The following NWD1 variants were observed in gnomAD, a reference collection of about 807,000 sequenced individuals.
NWD1 encodes the protein NACHT domain- and WD repeat-containing protein 1.
NWD1 carries 129 observed loss-of-function variants against 135.1 expected under a neutral mutation model. That is an observed-to-expected ratio of 0.96 (90% CI 0.83 to 1.11). NWD1 has a LOEUF of 1.11. Among genes scored for constraint, NWD1 ranks in the 50% least tolerant of loss-of-function variants. The probability of loss-of-function intolerance (pLI) is 0.00; values close to 1 mark genes in which losing one functional copy is unlikely to be tolerated. For missense variants in NWD1, 1,740 were observed against 1,851.3 expected (o/e 0.94, Z 1.10); for synonymous variants, 773 against 786.0 (o/e 0.98, Z 0.28).
chr19:16,800,070 C>G lies in NWD1; in HGVS notation c.3644C>G (p.Thr1215Ser). 6.2e-7 allele frequency: 1 copy of G among 1,614,160 alleles called. No homozygotes were observed. Among genetic ancestry groups the G allele is most frequent in the Non-Finnish European group, 8.5e-7 (1 of 1,179,978 alleles). ...GTGCCTGCACCATTTCTGGACCGCA[C>G]CGGCCTCACCGCAGTGTCCCACAAT... ...SRVPAPFLDR[T>S]GLTAVSHNGS... Residue 1215 changes from threonine (T) to serine (S), a missense_variant, in exon 17 of 19, where the codon ACC becomes AGC. Physicochemically the swap from Thr to Ser is moderately conservative, Grantham distance 58 (BLOSUM62 1). Coordinates refer to ENST00000524140, the MANE Select transcript of NWD1 (RefSeq NM_001007525.5).
chr19:16,750,526 C>A, intron 6 of NWD1, 115 bp downstream of exon 6: 1 of 767,420 alleles, frequency 1.3e-6, no homozygotes, highest in Non-Finnish European at 2.0e-6. Flanking sequence ...GTGATCATAG[C>A]TCACTGCAGT....
intron 12 of NWD1, among the ~76,000 whole-genome samples, chr19:16,786,226 T>C (rs1970036629): frequency 6.6e-6 from 1 of 151,990 alleles, no homozygotes. Flanking sequence ...CCGGCTTGTC[T>C]CGGACTCCTG....
At chr19:16,778,569 T>C (rs1969744542) in intron 11 of NWD1, among the ~76,000 whole-genome samples, 1 of 150,944 alleles carries the variant, frequency 6.6e-6, no homozygotes, top group Non-Finnish European at 1.5e-5. Flanking sequence ...AGTGCAGTGG[T>C]GTGATCTCAG....
chr19:16,797,838 T>C lies in NWD1; in HGVS notation c.3411T>C (p.Gly1137=). 6.2e-7 allele frequency: 1 copy of C among 1,614,118 alleles called. No individual in the cohort carries two copies. Among genetic ancestry groups the C allele is most frequent in the Non-Finnish European group, 8.5e-7 (1 of 1,179,980 alleles). Residue 1137 remains glycine (G), a synonymous_variant, in exon 16 of 19, where the codon GGT becomes GGC. Transcript: ENST00000524140. ...ACATGGTGGAGACGGCTGTTTTTGG[T>C]ACTGAGAACAACCTGATCATCACGG... ...HEDMVETAVF[G]TENNLIITGS...
Position 16,746,693 on chromosome 19 carries a change from C to CAAA in NWD1, c.496+1982_496+1984dup, listed in dbSNP as rs941222236. Among the ~76,000 whole-genome samples the CAAA allele has an allele frequency of 5.2e-4, 38 of 73,056 alleles. No individual in the cohort carries two copies. The East Asian group carries it at 8.3e-3, about 16-fold the overall frequency. 47.9% of individuals were successfully genotyped at this position (73,056 alleles called of 152,430 possible). On this transcript the variant is annotated intron_variant, in intron 5 of 18. Transcript: ENST00000524140. ...TCTAAAAACAAAAAACAAAAAACAACAAAAAAAAACAGTCGATGAACACAT... is the reference window on the plus strand; with the variant it reads ...TCTAAAAACAAAAAACAAAAAACAACAAAAAAAAAAAACAGTCGATGAACACAT...
intron 12 of NWD1, among the ~76,000 whole-genome samples, chr19:16,782,306 A>T (rs923659492): frequency 3.4e-5 from 5 of 148,142 alleles, no homozygotes; most frequent in Admixed American, 1.4e-4. Flanking sequence ...AAAAAAAAAA[A>T]GTGTTTTAAA....
At chr19:16,787,901 AATAATCATCATCATCATCATC>A (rs1186007663) in intron 12 of NWD1, among the ~76,000 whole-genome samples, 12 of 84,356 alleles carry the variant, frequency 1.4e-4, no homozygotes, top group Admixed American at 2.5e-4. Flanking sequence ...TAATAATAAT[AATAATCATCATCATCATCATC>A]ATCATCATCA....
At position 16,808,072 on chromosome 19, in the gene NWD1, A is replaced by C; in HGVS notation, c.4223A>C (p.Glu1408Ala). 1 of 1,614,122 alleles carries C rather than the reference A, an allele frequency of 6.2e-7. No individual in the cohort carries two copies. The highest frequency in any genetic ancestry group is 8.5e-7 in the Non-Finnish European group (1 of 1,180,016). The change falls in exon 18 of 19, where the codon GAG becomes GCG. Residue 1408 changes from glutamate (E) to alanine (A), a missense_variant. By Grantham distance (107) the Glu-to-Ala change is moderately radical. Transcript: ENST00000524140. Reference protein sequence around the residue: ...HKEQLVVSGSEDALLCLWDLQ... With the variant: ...HKEQLVVSGSADALLCLWDLQ... ...GAGCAGCTGGTGGTCAGCGGGTCTG[A>C]GGATGCCCTGCTGTGTCTCTGGGAC... is the stretch of plus-strand genomic sequence containing the variant.
Position 16,749,258 on chromosome 19 carries a change from AG to A in NWD1, c.618del (p.Met207TrpfsTer45), listed in dbSNP as rs1283032829. The A allele has an allele frequency of 9.9e-6, 16 of 1,614,018 alleles. No homozygotes were observed. The highest frequency in any genetic ancestry group is 1.4e-5 in the Non-Finnish European group (16 of 1,180,032). On this transcript the variant is annotated frameshift_variant, in exon 6 of 19. Transcript: ENST00000524140. LOFTEE classifies it high-confidence loss of function. ...HKHILEDCAL[R>X]MVDRLADGCL... is the part of the protein sequence containing the mutation. Reference sequence around the variant, plus strand: ...ACACATCCTTGAAGACTGCGCCCTTAGGATGGTGGACCGGCTCGCGGATGGC... The same window carrying A: ...ACACATCCTTGAAGACTGCGCCCTTAGATGGTGGACCGGCTCGCGGATGGC...
intron 11 of NWD1, among the ~76,000 whole-genome samples, chr19:16,777,387 A>G (rs1163274620): frequency 8.1e-4 from 1 of 1,240 alleles, no homozygotes; most frequent in Non-Finnish European, 1.5e-3. Context: ...AAGGGAGGGG[A>G]GGGAAGGAGA....
chr19:16,722,220 G>A (rs1282620896), intron 1 of NWD1, among the ~76,000 whole-genome samples: 2 of 151,782 alleles, frequency 1.3e-5, no homozygotes, highest in Non-Finnish European at 2.9e-5. Context: ...GATCACTTGA[G>A]GACAGGAGAT....
chr19:16,776,332 G>A (rs1190700991), intron 11 of NWD1, among the ~76,000 whole-genome samples: 1 of 152,062 alleles, frequency 6.6e-6, no homozygotes, highest in African/African-American at 2.4e-5. Flanking sequence ...CGCTTTGGGA[G>A]GTTGAGGCAG....
chr19:16,770,234 A>G (rs1052626200), intron 10 of NWD1, among the ~76,000 whole-genome samples: 4 of 152,198 alleles, frequency 2.6e-5, no homozygotes, highest in Admixed American at 1.3e-4. Context: ...TAATCGAATC[A>G]TGGAGGTGTT....
At chr19:16,769,782 C>A (rs536189571) in intron 10 of NWD1, among the ~76,000 whole-genome samples, 32 of 152,328 alleles carry the variant, frequency 2.1e-4, no homozygotes, top group Admixed American at 1.2e-3. Flanking sequence ...TCTCCCCGAT[C>A]CTTGCCTCTG....
At chr19:16,772,292 G>A (rs1969442243) in intron 10 of NWD1, among the ~76,000 whole-genome samples, 1 of 152,158 alleles carries the variant, frequency 6.6e-6, no homozygotes. Context: ...TTGAGCCCAG[G>A]AGTTTGAGGC....
chr19:16,749,817 A>G lies in NWD1; in HGVS notation c.1175A>G (p.Gln392Arg). 6.2e-7 allele frequency: 1 copy of G among 1,608,250 alleles called. No individual in the cohort carries two copies. Among genetic ancestry groups the G allele is most frequent in the Non-Finnish European group, 8.5e-7 (1 of 1,176,996 alleles). The change falls in exon 6 of 19, where the codon CAG (glutamine) becomes CGG (arginine). Residue 392 changes from glutamine (Q) to arginine (R), a missense_variant. Physicochemically the swap from Gln to Arg is conservative, Grantham distance 43 (BLOSUM62 1). Coordinates refer to ENST00000524140, the MANE Select transcript of NWD1 (RefSeq NM_001007525.5). ...GGCCTGCTGAAGAGCATCTGCTTCC[A>G]GGTGTGCCTGGCCTATGGGCTGCCC... The part of the protein sequence containing the change: ...ARGLLKSICF[Q>R]VCLAYGLPLP...
At chr19:16,722,711 G>T (rs377542902) in intron 1 of NWD1, among the ~76,000 whole-genome samples, 1 of 151,800 alleles carries the variant, frequency 6.6e-6, no homozygotes, top group East Asian at 1.9e-4. Context: ...ATGGGATAAG[G>T]GTGTCTTTGT....
Position 16,817,788 on chromosome 19 carries a change from T to A in NWD1, c.*2749T>A, listed in dbSNP as rs1043200074. On this transcript the variant is annotated 3_prime_UTR_variant, in exon 19 of 19. Coordinates refer to ENST00000524140, the MANE Select transcript of NWD1 (RefSeq NM_001007525.5). ...CTCTGTGAATCAAGGGCTTACCCAA[T>A]GCAGAAATAAAGTAGATGTTGAGAC... 3 of 152,282 alleles carry A rather than the reference T, an allele frequency of 2.0e-5. No individual in the cohort carries two copies. Among genetic ancestry groups the A allele is most frequent in the South Asian group, 2.1e-4 (1 of 4,832 alleles). The allele number at this position is 152,282 out of a possible 1,614,324, so 9.4% of individuals were successfully genotyped here.
intron 17 of NWD1, among the ~76,000 whole-genome samples, chr19:16,807,256 G>T (rs557504105): frequency 4.2e-4 from 64 of 152,048 alleles, no homozygotes; most frequent in South Asian, 1.7e-3. Flanking sequence ...CACTTTGGGA[G>T]GCCAAGGTGG....
Sources: allele counts gnomAD v4.1 joint callset (sites outside exome capture counted in the v4.1 genomes callset), GRCh38; gene constraint gnomAD v4.1.1; transcripts MANE v1.5; gene names NCBI Gene and HGNC (gene_info 2026-07-23, HGNC 2026-07-21).